EFCAB6: variants seen among roughly 807,000 people sequenced by gnomAD.
The protein encoded by EFCAB6 is EF-hand calcium binding domain 6, also known as EF-hand calcium-binding domain-containing protein 6.
Under a neutral mutation model 169.8 loss-of-function variants are expected in EFCAB6, and 156 were observed. That is an observed-to-expected ratio of 0.92 (90% CI 0.81 to 1.05). The LOEUF (loss-of-function observed/expected upper bound fraction) is 1.05, where lower values mean the gene tolerates loss of function less well. Ranked by LOEUF, EFCAB6 falls within the 50% of genes least tolerant of loss-of-function variation. The pLI, the probability that EFCAB6 is intolerant of heterozygous loss-of-function variation, is 0.00. For synonymous variants in EFCAB6, 698 were observed against 676.4 expected (o/e 1.03, Z -0.50); for missense variants, 1,800 against 1,829.1 (o/e 0.98, Z 0.29).
chr22:43,608,726 C>T (rs2053097754), intron 21 of EFCAB6, 126 bp from the exon 22 acceptor site: 2 of 816,700 alleles, frequency 2.4e-6, no homozygotes, highest in South Asian at 1.7e-5. Context: ...TCCTTAATCA[C>T]CTTTTAATCT....
intron 2 of EFCAB6, among the ~76,000 whole-genome samples, chr22:43,808,548 A>T (rs1416531302): frequency 6.6e-6 from 1 of 151,976 alleles, no homozygotes; most frequent in African/African-American, 2.4e-5. Context: ...CACAGGTGAT[A>T]TTCGTGAAGT....
chr22:43,784,572 T>TATATAC lies in EFCAB6; in HGVS notation c.-7-2248_-7-2247insGTATAT, dbSNP rs1569487320. ...ATGTATATATACACATATATATGTG[T>TATATAC]ACATATACACATATATATGTATATA... is the stretch of plus-strand genomic sequence containing the variant. On this transcript the variant is annotated intron_variant, in intron 2 of 31. Transcript: ENST00000262726. Among the ~76,000 whole-genome samples the TATATAC allele has an allele frequency of 7.0e-3, 553 of 79,050 alleles. 48 individuals carry two copies. The highest frequency in any genetic ancestry group is 0.024 in the African/African-American group (504 of 20,746). 51.9% of individuals were successfully genotyped at this position (79,050 alleles called of 152,430 possible).
At chr22:43,562,097 T>C (rs1347651913) in intron 26 of EFCAB6, among the ~76,000 whole-genome samples, 1 of 152,172 alleles carries the variant, frequency 6.6e-6, no homozygotes, top group East Asian at 1.9e-4. Flanking sequence ...TGCAGTCATA[T>C]GCACTCTAGG....
At chr22:43,677,301 C>A (rs1394926814) in intron 13 of EFCAB6, among the ~76,000 whole-genome samples, 1 of 152,070 alleles carries the variant, frequency 6.6e-6, no homozygotes, top group African/African-American at 2.4e-5. Context: ...GGGTACGAAA[C>A]TCTAAAAACA....
At chr22:43,583,385 G>A (rs944577488) in intron 24 of EFCAB6, among the ~76,000 whole-genome samples, 10 of 151,304 alleles carry the variant, frequency 6.6e-5, no homozygotes, top group Admixed American at 2.0e-4. Context: ...TGCAATAGTC[G>A]TTTCAGATAA....
chr22:43,727,647 A>G (rs1250165504), intron 8 of EFCAB6, among the ~76,000 whole-genome samples: 2 of 152,194 alleles, frequency 1.3e-5, no homozygotes, highest in Non-Finnish European at 2.9e-5. Context: ...CTGGAAAAAC[A>G]CTGTAGTAAG....
intron 4 of EFCAB6, among the ~76,000 whole-genome samples, chr22:43,767,657 T>C (rs111790419): frequency 0.082 from 12,551 of 152,220 alleles, 664 homozygotes; most frequent in South Asian, 0.2. Context: ...CCGCCATGAG[T>C]GCCAGCGATC....
chr22:43,752,116 AT>A (rs33992120), intron 6 of EFCAB6, among the ~76,000 whole-genome samples: 376 of 123,418 alleles, frequency 3.0e-3, no homozygotes, highest in African/African-American at 4.3e-3. Context: ...TCTCCTTTCC[AT>A]TTTTTTTTTT....
chr22:43,662,385 G>A (rs2057048849), intron 17 of EFCAB6, among the ~76,000 whole-genome samples: 1 of 151,956 alleles, frequency 6.6e-6, no homozygotes, highest in Admixed American at 6.6e-5. Flanking sequence ...CATGGCACAG[G>A]GAAGGAGATG....
intron 1 of EFCAB6, among the ~76,000 whole-genome samples, chr22:43,810,703 A>T (rs1603399024): frequency 6.6e-6 from 1 of 152,226 alleles, no homozygotes; most frequent in Admixed American, 6.5e-5. Context: ...CGAAATTTAC[A>T]GTCTCAGGTA....
rs1046381880 is a variant in EFCAB6, at chr22:43,809,041, C to T, written c.-54G>A. 1.3e-4 allele frequency: 20 copies of T among 152,192 alleles called. No homozygotes were observed. The highest frequency in any genetic ancestry group is 4.8e-4 in the African/African-American group (20 of 41,444). The allele number at this position is 152,192 out of a possible 1,614,324, so 9.4% of individuals were successfully genotyped here. Reference sequence around the variant, plus strand: ...AAATATTCAGTTCAAATGCTAAAGTCCACATTCTCTCCCTGAAGAGTGAGG... The same window carrying T: ...AAATATTCAGTTCAAATGCTAAAGTTCACATTCTCTCCCTGAAGAGTGAGG... On this transcript the variant is annotated 5_prime_UTR_variant, in exon 2 of 32. The change creates a premature stop within an existing upstream ORF in the 5' untranslated region. Transcript: ENST00000262726.
intron 26 of EFCAB6, among the ~76,000 whole-genome samples, chr22:43,567,678 A>G (rs2049535821): frequency 6.6e-6 from 1 of 152,200 alleles, no homozygotes; most frequent in South Asian, 2.1e-4. Flanking sequence ...TGACTGGGAA[A>G]GAATGTTTCT....
chr22:43,625,103 T>C (rs1476344131), intron 20 of EFCAB6, among the ~76,000 whole-genome samples: 1 of 140,160 alleles, frequency 7.1e-6, no homozygotes, highest in African/African-American at 2.4e-5. Context: ...TTTTTTAATA[T>C]AGACAAAATA....
At chr22:43,547,710 A>G (rs1468972582) in intron 27 of EFCAB6, among the ~76,000 whole-genome samples, 1 of 151,896 alleles carries the variant, frequency 6.6e-6, no homozygotes, top group Non-Finnish European at 1.5e-5. Context: ...GGTTGTAGTG[A>G]GCCGTGATCA....
At chr22:43,717,144 A>G (rs1569433955) in intron 8 of EFCAB6, among the ~76,000 whole-genome samples, 172 bp from the exon 9 acceptor site, 1 of 152,198 alleles carries the variant, frequency 6.6e-6, no homozygotes, top group African/African-American at 2.4e-5. Context: ...CATTTTGGAA[A>G]AAATAAAAGT....
chr22:43,659,537 G>A (rs1315245720), intron 17 of EFCAB6, among the ~76,000 whole-genome samples: 2 of 151,994 alleles, frequency 1.3e-5, no homozygotes, highest in African/African-American at 2.4e-5. Flanking sequence ...GTGCATGCCC[G>A]TGGTCCCAGC....
chr22:43,750,101 A>C (rs955729732), intron 6 of EFCAB6, among the ~76,000 whole-genome samples: 5 of 152,146 alleles, frequency 3.3e-5, no homozygotes, highest in African/African-American at 1.2e-4. Context: ...TTGCACTATT[A>C]ATTTGTCACA....
intron 26 of EFCAB6, among the ~76,000 whole-genome samples, chr22:43,570,801 C>T (rs367909849): frequency 3.9e-5 from 6 of 152,162 alleles, no homozygotes; most frequent in East Asian, 3.8e-4. Flanking sequence ...CTTCCCTTCC[C>T]GGAAGCTCGC....
intron 2 of EFCAB6, 100 bp downstream of exon 2, chr22:43,808,895 G>C (rs1227857294): frequency 6.6e-6 from 1 of 152,148 alleles, no homozygotes; most frequent in East Asian, 1.9e-4. Flanking sequence ...CTAAGTAAAT[G>C]AGCAAACAAA....
Sources: allele counts gnomAD v4.1 joint callset (sites outside exome capture counted in the v4.1 genomes callset), GRCh38; gene constraint gnomAD v4.1.1; transcripts MANE v1.5; gene names NCBI Gene and HGNC (gene_info 2026-07-23, HGNC 2026-07-21).